HP1BP3: variants seen among roughly 807,000 people sequenced by gnomAD.
The protein encoded by HP1BP3 is heterochromatin protein 1-binding protein 3.
HP1BP3 carries 12 observed loss-of-function variants against 62.5 expected under a neutral mutation model. The observed-to-expected ratio is 0.19, with a 90% CI of 0.12 to 0.31. HP1BP3 has a LOEUF of 0.31. HP1BP3 is among the 10% of genes least tolerant of loss of function. The probability of loss-of-function intolerance (pLI) is 1.00; values close to 1 mark genes in which losing one functional copy is unlikely to be tolerated. For synonymous variants in HP1BP3, 260 were observed against 237.8 expected, an observed-to-expected ratio of 1.09 and a Z score of -0.86; for missense variants, 502 against 651.8, an observed-to-expected ratio of 0.77 and a Z score of 2.50.
chr1:20,782,326 G>A (rs915156412), intron 1 of HP1BP3, among the ~76,000 whole-genome samples: 2 of 152,004 alleles, frequency 1.3e-5, no homozygotes, highest in East Asian at 1.9e-4. Flanking sequence ...GCTCACACCT[G>A]TAATCCCAGC....
chr1:20,778,914 T>C (rs1471188496), intron 3 of HP1BP3, among the ~76,000 whole-genome samples: 1 of 151,932 alleles, frequency 6.6e-6, no homozygotes, highest in Admixed American at 6.6e-5. Flanking sequence ...CTCAGCCTCC[T>C]GAGTAGCAGG....
chr1:20,767,702 A>C (rs1018055562), intron 6 of HP1BP3, 38 bp from the exon 7 acceptor site: 2 of 1,321,458 alleles, frequency 1.5e-6, no homozygotes, highest in African/African-American at 2.9e-5. Flanking sequence ...AGTATTCATA[A>C]CTTTACAGTA....
intron 7 of HP1BP3, among the ~76,000 whole-genome samples, chr1:20,766,416 T>C (rs896553728): frequency 7.3e-5 from 11 of 151,382 alleles, no homozygotes; most frequent in African/African-American, 2.2e-4. Flanking sequence ...TTGAAAAGTC[T>C]ATGAAAAAAG....
In HP1BP3 at chr1:20,745,052, G is replaced by T. The variant is rs767829701; in HGVS notation, c.1407C>A (p.Ala469=). The part of the protein sequence containing the change: ...KKTPAKSPGK[A]ASVKQRGSKP... ...TGGACCCTCTCTGCTTCACAGATGC[G>T]GCCTTCCCTGGGGACTTGGCTGGGG... The change falls in exon 13 of 13, where the codon GCC becomes GCA. Residue 469 remains alanine (A), a synonymous_variant. Coordinates refer to ENST00000438032, the MANE Select transcript of HP1BP3 (RefSeq NM_001372052.1). 1 of 1,613,190 alleles carries T rather than the reference G, an allele frequency of 6.2e-7. No individual in the cohort carries two copies. The highest frequency in any genetic ancestry group is 8.5e-7 in the Non-Finnish European group (1 of 1,179,754).
rs909694792 is a variant in HP1BP3 at position 20,745,329 on chromosome 1, T to C, written c.1367+214A>G. Among the ~76,000 whole-genome samples the C allele has an allele frequency of 3.3e-5, 5 of 152,206 alleles. No homozygotes were observed. In the East Asian group the frequency reaches 7.7e-4, roughly 23 times the overall value. On this transcript the variant is annotated intron_variant, in intron 12 of 12. Transcript: ENST00000438032. ...TAGGGAAATATGTAATTATTTTTCTTTGAATAACTAAACTATGGATACACA... is the reference window on the plus strand; with the variant it reads ...TAGGGAAATATGTAATTATTTTTCTCTGAATAACTAAACTATGGATACACA...
chr1:20,767,089 C>A (rs539709070), intron 7 of HP1BP3, among the ~76,000 whole-genome samples: 4 of 152,024 alleles, frequency 2.6e-5, no homozygotes, highest in African/African-American at 4.8e-5. Context: ...GAGGCAGAGG[C>A]GGGCAGATCA....
intron 3 of HP1BP3, among the ~76,000 whole-genome samples, chr1:20,778,812 GAC>G (rs2057415073): frequency 6.7e-6 from 1 of 148,440 alleles, no homozygotes; most frequent in Admixed American, 6.8e-5. Context: ...TTTTTTTGGA[GAC>G]AGTTTCCCTC....
intron 8 of HP1BP3, among the ~76,000 whole-genome samples, chr1:20,764,949 A>G (rs931902713): frequency 8.6e-5 from 13 of 151,984 alleles, no homozygotes; most frequent in African/African-American, 2.9e-4. Flanking sequence ...CAGGTGGATC[A>G]CTTGAGTTCA....
At chr1:20,760,101 A>C (rs1259496391) in intron 8 of HP1BP3, among the ~76,000 whole-genome samples, 1 of 151,970 alleles carries the variant, frequency 6.6e-6, no homozygotes, top group Non-Finnish European at 1.5e-5. Flanking sequence ...GTTGGCCAGG[A>C]AGGTCTCCAA....
At chr1:20,754,323 G>A (rs748946653) in intron 9 of HP1BP3, among the ~76,000 whole-genome samples, 5 of 152,230 alleles carry the variant, frequency 3.3e-5, no homozygotes, top group East Asian at 1.9e-4. Flanking sequence ...CTCGTACACC[G>A]AACAACTACA....
intron 1 of HP1BP3, among the ~76,000 whole-genome samples, chr1:20,784,880 A>C (rs1404532873): frequency 6.6e-6 from 1 of 152,218 alleles, no homozygotes; most frequent in Non-Finnish European, 1.5e-5. Flanking sequence ...GCTTAAACTT[A>C]ATGTTACAAC....
chr1:20,752,296 C>A (rs527973251), intron 9 of HP1BP3, among the ~76,000 whole-genome samples: 29 of 151,900 alleles, frequency 1.9e-4, no homozygotes, highest in Non-Finnish European at 4.0e-4. Context: ...TGCTTTTTCA[C>A]TGTCTTTTTT....
chr1:20,770,042 G>T (rs893311993), intron 6 of HP1BP3, among the ~76,000 whole-genome samples: 2 of 152,154 alleles, frequency 1.3e-5, no homozygotes, highest in Non-Finnish European at 2.9e-5. Flanking sequence ...TCTGAAGAGG[G>T]TAACATAATA....
At position 20,741,334 on chromosome 1, in the gene HP1BP3, G is replaced by C. The variant is rs2055077683; in HGVS notation, c.*3463C>G. Among the ~76,000 whole-genome samples the C allele has an allele frequency of 2.0e-5, 3 of 152,160 alleles. No individual in the cohort carries two copies. Among genetic ancestry groups the C allele is most frequent in the Admixed American group, 1.3e-4 (2 of 15,280 alleles). Reference sequence around the variant, plus strand: ...CAGCCTGAGAGAGAATAATTTCACAGGCTCTTTAAAGTAAGTATTAATTAA... The same window carrying C: ...CAGCCTGAGAGAGAATAATTTCACACGCTCTTTAAAGTAAGTATTAATTAA... On this transcript the variant is annotated 3_prime_UTR_variant, in exon 13 of 13. Coordinates refer to ENST00000438032, the MANE Select transcript of HP1BP3 (RefSeq NM_001372052.1).
At position 20,744,635 on chromosome 1, in the gene HP1BP3, G is replaced by A. The variant is rs1402027995; in HGVS notation, c.*162C>T. ...GCAGGCACCAATAAAAGCACCTAAA[G>A]CTAGCAAATGCCTAAACTGGTTTAT... On this transcript the variant is annotated 3_prime_UTR_variant, in exon 13 of 13. Coordinates refer to ENST00000438032, the MANE Select transcript of HP1BP3 (RefSeq NM_001372052.1). The A allele has an allele frequency of 9.2e-6, 6 of 653,408 alleles. No homozygotes were observed. Among genetic ancestry groups the A allele is most frequent in the Non-Finnish European group, 1.5e-5 (6 of 390,436 alleles). The allele number at this position is 653,408 out of a possible 1,614,324, so 40.5% of individuals were successfully genotyped here. A position where few individuals can be genotyped will look rare whatever the true frequency, so the allele number is the denominator to read the frequency against.
intron 9 of HP1BP3, 169 bp from the exon 10 acceptor site, chr1:20,750,051 T>C: frequency 7.4e-7 from 1 of 1,346,162 alleles, no homozygotes; most frequent in Non-Finnish European, 9.7e-7. Flanking sequence ...AGGTATTCAA[T>C]CTAACTGAGA....
At chr1:20,758,445 CAA>C (rs2056261437) in intron 8 of HP1BP3, among the ~76,000 whole-genome samples, 1 of 151,738 alleles carries the variant, frequency 6.6e-6, no homozygotes, top group Non-Finnish European at 1.5e-5. Context: ...CCCTCAGGTT[CAA>C]GTGATTCTCC....
chr1:20,771,099 G>C (rs373882719), intron 5 of HP1BP3, 26 bp from the exon 6 acceptor site: 8 of 1,538,680 alleles, frequency 5.2e-6, no homozygotes, highest in Non-Finnish European at 7.0e-6. Context: ...TAAACTAGTT[G>C]TTTTTTTTTA....
intron 5 of HP1BP3, among the ~76,000 whole-genome samples, chr1:20,772,146 C>T (rs17408347): frequency 0.028 from 4,252 of 152,208 alleles, 92 homozygotes; most frequent in Middle Eastern, 0.048. Context: ...TCTTTTGCTC[C>T]ACCAATCCGA....
Sources: gnomAD v4.1 joint callset for allele counts (sites outside exome capture counted in the v4.1 genomes callset) on GRCh38, gnomAD v4.1.1 for gene constraint, MANE v1.5 for transcripts, NCBI Gene and HGNC (gene_info 2026-07-23, HGNC 2026-07-21) for gene names.